ARSI: variants seen among roughly 807,000 people sequenced by gnomAD.
ARSI encodes arylsulfatase family member I, also known as arylsulfatase I.
ARSI carries 37 observed loss-of-function variants against 42.1 expected under a neutral mutation model. The ratio of observed to expected loss-of-function variants is 0.88; its 90% CI spans 0.68 to 1.16. The LOEUF is 1.16. Ranked by LOEUF, ARSI falls within the 50% of genes most tolerant of loss-of-function variation. The pLI is 0.00. For synonymous variants in ARSI, 305 were observed against 320.3 expected (o/e 0.95, Z 0.51); for missense variants, 725 against 790.1 (o/e 0.92, Z 0.99).
chr5:150,297,806 A>G lies in ARSI; in HGVS notation c.1118T>C (p.Val373Ala). ...SAADGLDGYD[V>A]WPAISEGRAS... The stretch of plus-strand genomic sequence containing the variant: ...CCGGCCCTCGCTGATGGCCGGCCAC[A>G]CGTCGTAGCCATCTAGCCCATCGGC... Residue 373 changes from valine (V) to alanine (A), a missense_variant, in exon 2 of 2, where the codon GTG (valine) becomes GCG (alanine). Val to Ala is a moderately conservative substitution (Grantham distance 64). Coordinates refer to ENST00000328668, the MANE Select transcript of ARSI (RefSeq NM_001012301.4). The surrounding 1 kb of genome is among the most constrained non-coding windows in gnomAD (Gnocchi z 7.0). The G allele has an allele frequency of 6.2e-7, 1 of 1,605,312 alleles. No individual in the cohort carries two copies. The highest frequency in any genetic ancestry group is 8.5e-7 in the Non-Finnish European group (1 of 1,175,220).
chr5:150,297,222 G>A lies in ARSI; in HGVS notation c.1702C>T (p.Arg568Trp), dbSNP rs778356356. ...RKLNTRLMSQ[R>W]I ...TTTCTCCCTCCCCACCATCAGATCCGTTGGGACATTAGCCTGGTGTTGAGT... is the reference window on the plus strand; with the variant it reads ...TTTCTCCCTCCCCACCATCAGATCCATTGGGACATTAGCCTGGTGTTGAGT... Residue 568 changes from arginine to tryptophan, a missense_variant, in exon 2 of 2, where the codon CGG becomes TGG. Transcript: ENST00000328668. This position sits in a 1 kb window ranked among gnomAD's most constrained non-coding sequence, Gnocchi z 7.0. The A allele has an allele frequency of 1.6e-5, 25 of 1,569,162 alleles. No homozygotes were observed. Among genetic ancestry groups the A allele is most frequent in the Admixed American group, 1.5e-4 (8 of 54,038 alleles).
In ARSI at chr5:150,302,346, C is replaced by A; in HGVS notation, c.28G>T (p.Val10Phe). ...AGGTAGCCGAAGCTGAGCAGGCTGA[C>A]CAGGGAGAAGCCAGTGAGGGTGTGC... is the stretch of plus-strand genomic sequence containing the variant. MHTLTGFSL[V>F]SLLSFGYLSW... The change falls in exon 1 of 2, where the codon GTC becomes TTC. Residue 10 changes from valine (V) to phenylalanine (F), a missense_variant. Val to Phe is a conservative substitution (Grantham distance 50). Coordinates refer to ENST00000328668, the MANE Select transcript of ARSI (RefSeq NM_001012301.4). This position sits in a 1 kb window ranked among gnomAD's most constrained non-coding sequence, Gnocchi z 6.1. The A allele has an allele frequency of 6.5e-7, 1 of 1,547,252 alleles. No individual in the cohort carries two copies. The highest frequency in any genetic ancestry group is 1.2e-5 in the South Asian group (1 of 82,546).
chr5:150,299,569 T>G (rs1333709414), intron 1 of ARSI, among the ~76,000 whole-genome samples: 1 of 151,928 alleles, frequency 6.6e-6, no homozygotes, highest in African/African-American at 2.4e-5. Flanking sequence ...CACCTCATCT[T>G]AAAAAGGACC....
chr5:150,298,178 A>C lies in ARSI; in HGVS notation c.746T>G (p.Leu249Arg), dbSNP rs1353378421. Residue 249 changes from leucine to arginine, a missense_variant, in exon 2 of 2, where the codon CTG (leucine) becomes CGG (arginine). Physicochemically the swap from Leu to Arg is moderately radical, Grantham distance 102 (BLOSUM62 -2). Coordinates refer to ENST00000328668, the MANE Select transcript of ARSI (RefSeq NM_001012301.4). The stretch of plus-strand genomic sequence containing the variant: ...ATTGCCCATGGTGCGGTAGCGGTAC[A>C]GGTACTCACGAGGGGACTGCAGGGG... Reference protein sequence around the residue: ...HTPLQSPREYLYRYRTMGNVA... With the variant: ...HTPLQSPREYRYRYRTMGNVA... 1 of 1,614,066 alleles carries C rather than the reference A, an allele frequency of 6.2e-7. No homozygotes were observed. The highest frequency in any genetic ancestry group is 1.7e-5 in the Admixed American group (1 of 60,026).
In ARSI at chr5:150,297,435, G is replaced by A. The variant is rs199613569; in HGVS notation, c.1489C>T (p.Arg497Cys). Residue 497 changes from arginine (R) to cysteine (C), a missense_variant, in exon 2 of 2, where the codon CGC becomes TGC. Arg to Cys is a radical substitution (Grantham distance 180). Coordinates refer to ENST00000328668, the MANE Select transcript of ARSI (RefSeq NM_001012301.4). This position sits in a 1 kb window ranked among gnomAD's most constrained non-coding sequence, Gnocchi z 7.0. ...TLLARLAEYN[R>C]TAIPVRYPAE... is the part of the protein sequence containing the mutation. ...GGGTAGCGTACCGGGATGGCTGTGC[G>A]GTTATATTCGGCCAGGCGAGCCAGC... 39 of 1,609,406 alleles carry A rather than the reference G, an allele frequency of 2.4e-5. No homozygotes were observed. The highest frequency in any genetic ancestry group is 3.0e-5 in the Non-Finnish European group (35 of 1,177,484).
rs140656147 is a variant in ARSI, at chr5:150,297,824, C to A, written c.1100G>T (p.Gly367Val). The A allele has an allele frequency of 9.2e-5, 148 of 1,608,562 alleles. No individual in the cohort carries two copies. In the African/African-American group the frequency reaches 1.8e-3, roughly 19 times the overall value. The change falls in exon 2 of 2, where the codon GGG becomes GTG. Residue 367 changes from glycine to valine, a missense_variant. Transcript: ENST00000328668. The surrounding 1 kb of genome is among the most constrained non-coding windows in gnomAD (Gnocchi z 7.0). The part of the protein sequence containing the change: ...LAGGTTSAAD[G>V]LDGYDVWPAI... Reference sequence around the variant, plus strand: ...CGGCCACACGTCGTAGCCATCTAGCCCATCGGCTGCTGAGGTGGTACCACC... The same window carrying A: ...CGGCCACACGTCGTAGCCATCTAGCACATCGGCTGCTGAGGTGGTACCACC...
rs190469665 is a variant in ARSI at position 150,297,808 on chromosome 5, G to A, written c.1116C>T (p.Asp372=). 165 of 1,606,196 alleles carry A rather than the reference G, an allele frequency of 1.0e-4. 2 individuals are homozygous for A. The highest frequency in any genetic ancestry group is 1.0e-3 in the Middle Eastern group (6 of 6,026). Residue 372 remains aspartate, a synonymous_variant, in exon 2 of 2, where the codon GAC becomes GAT. Coordinates refer to ENST00000328668, the MANE Select transcript of ARSI (RefSeq NM_001012301.4). The surrounding 1 kb of genome is among the most constrained non-coding windows in gnomAD (Gnocchi z 7.0). ...GGCCCTCGCTGATGGCCGGCCACAC[G>A]TCGTAGCCATCTAGCCCATCGGCTG... ...TSAADGLDGY[D]VWPAISEGRA...
chr5:150,297,399 G>C lies in ARSI; in HGVS notation c.1525C>G (p.Pro509Ala), dbSNP rs1362728038. The stretch of plus-strand genomic sequence containing the variant: ...CCATTAAAGTCAGGATGAGCCCGGG[G>C]GTTCTCAGCTGGGTAGCGTACCGGG... ...AIPVRYPAEN[P>A]RAHPDFNGGA... Residue 509 changes from proline to alanine, a missense_variant, in exon 2 of 2, where the codon CCC (proline) becomes GCC (alanine). Physicochemically the swap from Pro to Ala is conservative, Grantham distance 27 (BLOSUM62 -1). Transcript: ENST00000328668. This position sits in a 1 kb window ranked among gnomAD's most constrained non-coding sequence, Gnocchi z 7.0. 6.2e-7 allele frequency: 1 copy of C among 1,609,198 alleles called. No homozygotes were observed. The highest frequency in any genetic ancestry group is 8.5e-7 in the Non-Finnish European group (1 of 1,177,618).
chr5:150,301,427 A>G (rs1208805035), intron 1 of ARSI, among the ~76,000 whole-genome samples: 2 of 152,184 alleles, frequency 1.3e-5, no homozygotes, highest in Non-Finnish European at 2.9e-5. Context: ...CCAACTTGGG[A>G]GGATTTTGCA....
At chr5:150,301,743 G>A (rs1031842808) in intron 1 of ARSI, among the ~76,000 whole-genome samples, 1 of 152,074 alleles carries the variant, frequency 6.6e-6, no homozygotes, top group South Asian at 2.1e-4. Context: ...TCAGGGTCTC[G>A]GGGTCCATAA....
chr5:150,299,057 C>T (rs561572267), intron 1 of ARSI, among the ~76,000 whole-genome samples: 3 of 152,282 alleles, frequency 2.0e-5, no homozygotes, highest in Non-Finnish European at 4.4e-5. Flanking sequence ...TCCCATTTTC[C>T]AAATAAGGGA....
In ARSI at chr5:150,302,510, G is replaced by T. The variant is rs1048787476; in HGVS notation, c.-137C>A. 4.9e-6 allele frequency: 3 copies of T among 607,780 alleles called. No homozygotes were observed. Among genetic ancestry groups the T allele is most frequent in the Non-Finnish European group, 7.4e-6 (3 of 408,068 alleles). 37.6% of individuals were successfully genotyped at this position (607,780 alleles called of 1,614,324 possible). ...GCCCCCCGGGGACGGTCCAGTGTCT[G>T]GTCCGGGACTGGCTGCCGGACGGCT... On this transcript the variant is annotated 5_prime_UTR_variant, in exon 1 of 2. Transcript: ENST00000328668. This position sits in a 1 kb window ranked among gnomAD's most constrained non-coding sequence, Gnocchi z 6.1.
Position 150,302,759 on chromosome 5 carries a change from C to A in ARSI, c.-386G>T, listed in dbSNP as rs1757946363. The A allele has an allele frequency of 6.0e-6, 1 of 166,616 alleles. No homozygotes were observed. Among genetic ancestry groups the A allele is most frequent in the African/African-American group, 2.4e-5 (1 of 42,014 alleles). The allele number at this position is 166,616 out of a possible 1,614,324, so 10.3% of individuals were successfully genotyped here. On this transcript the variant is annotated 5_prime_UTR_variant, in exon 1 of 2. Coordinates refer to ENST00000328668, the MANE Select transcript of ARSI (RefSeq NM_001012301.4). The surrounding 1 kb of genome is among the most constrained non-coding windows in gnomAD (Gnocchi z 6.1). The stretch of plus-strand genomic sequence containing the variant: ...CTGGATTTCTCCCGCCTCCTAATTT[C>A]TCTCTCCTCTGCTTTCCCGGCCTCT...
In ARSI at chr5:150,297,621, C is replaced by A. The variant is rs771627668; in HGVS notation, c.1303G>T (p.Asp435Tyr). Residue 435 changes from aspartate (D) to tyrosine (Y), a missense_variant, in exon 2 of 2, where the codon GAT (aspartate) becomes TAT (tyrosine). By Grantham distance (160) the Asp-to-Tyr change is radical. Coordinates refer to ENST00000328668, the MANE Select transcript of ARSI (RefSeq NM_001012301.4). This position sits in a 1 kb window ranked among gnomAD's most constrained non-coding sequence, Gnocchi z 7.0. ...GCCAGTGTCTGCGGTGGGATCCAAT[C>A]GCCATAGCCGGGGTCTCCTGTCAGC... ...KLLTGDPGYG[D>Y]WIPPQTLATF... 21 of 1,610,896 alleles carry A rather than the reference C, an allele frequency of 1.3e-5. No homozygotes were observed. The highest frequency in any genetic ancestry group is 3.3e-5 in the Admixed American group (2 of 59,864).
In ARSI at chr5:150,302,033, C is replaced by G. The variant is rs778251975; in HGVS notation, c.311+30G>C. The G allele has an allele frequency of 6.5e-7, 1 of 1,534,194 alleles. No homozygotes were observed. Among genetic ancestry groups the G allele is most frequent in the South Asian group, 1.2e-5 (1 of 81,874 alleles). The stretch of plus-strand genomic sequence containing the variant: ...ACTGGGTTGATTTGGGGTTTAGATG[C>G]CCAGCCCCGGGGCCTTGAGCCACGC... On this transcript the variant is annotated intron_variant, in intron 1 of 1. Coordinates refer to ENST00000328668, the MANE Select transcript of ARSI (RefSeq NM_001012301.4). The surrounding 1 kb of genome is among the most constrained non-coding windows in gnomAD (Gnocchi z 6.1).
chr5:150,296,695 AC>A lies in ARSI; in HGVS notation c.*518del, dbSNP rs139499111. 1,241 of 152,260 alleles carry A rather than the reference AC, an allele frequency of 8.2e-3. 17 individuals are homozygous for A. The highest frequency in any genetic ancestry group is 0.028 in the African/African-American group (1,155 of 41,346). The allele number at this position is 152,260 out of a possible 1,614,324, so 9.4% of individuals were successfully genotyped here. On this transcript the variant is annotated 3_prime_UTR_variant, in exon 2 of 2. Transcript: ENST00000328668. ...GCCATGTGAAGACCCAAGAAGGTCA[AC>A]CCCCCCGACCCCTGCCCTCCACCCA...
rs1398347529 is a variant in ARSI, at chr5:150,298,709, G to A, written c.312-97C>T. 5.1e-6 allele frequency: 6 copies of A among 1,180,342 alleles called. No individual in the cohort carries two copies. In the African/African-American group the frequency reaches 9.3e-5, roughly 18 times the overall value. 73.1% of individuals were successfully genotyped at this position (1,180,342 alleles called of 1,614,324 possible). A position where few individuals can be genotyped will look rare whatever the true frequency, so the allele number is the denominator to read the frequency against. The stretch of plus-strand genomic sequence containing the variant: ...CAGTACCACTGTGAGGTGGGCTGTG[G>A]TCCCAGCACTACCAGCAAAAATAAT... On this transcript the variant is annotated intron_variant, in intron 1 of 1. Transcript: ENST00000328668.
rs756540774 is a variant in ARSI, at chr5:150,297,421, C to T, written c.1503G>A (p.Pro501=). ...RLAEYNRTAI[P]VRYPAENPRA... is the part of the protein sequence containing the mutation. Reference sequence around the variant, plus strand: ...GGGGGTTCTCAGCTGGGTAGCGTACCGGGATGGCTGTGCGGTTATATTCGG... The same window carrying T: ...GGGGGTTCTCAGCTGGGTAGCGTACTGGGATGGCTGTGCGGTTATATTCGG... The change falls in exon 2 of 2, where the codon CCG becomes CCA. Residue 501 remains proline, a synonymous_variant. Coordinates refer to ENST00000328668, the MANE Select transcript of ARSI (RefSeq NM_001012301.4). The surrounding 1 kb of genome is among the most constrained non-coding windows in gnomAD (Gnocchi z 7.0). The T allele has an allele frequency of 1.6e-5, 26 of 1,608,124 alleles. No homozygotes were observed. The highest frequency in any genetic ancestry group is 4.5e-5 in the East Asian group (2 of 44,844).
At position 150,297,780 on chromosome 5, in the gene ARSI, C is replaced by A. The variant is rs1206241539; in HGVS notation, c.1144G>T (p.Ala382Ser). 1.2e-6 allele frequency: 2 copies of A among 1,605,904 alleles called. No individual in the cohort carries two copies. Among genetic ancestry groups the A allele is most frequent in the South Asian group, 1.1e-5 (1 of 90,256 alleles). ...DVWPAISEGR[A>S]SPRTEILHNI... ...TGCAGGATCTCCGTGCGTGGTGAGGCCCGGCCCTCGCTGATGGCCGGCCAC... is the reference window on the plus strand; with the variant it reads ...TGCAGGATCTCCGTGCGTGGTGAGGACCGGCCCTCGCTGATGGCCGGCCAC... Residue 382 changes from alanine to serine, a missense_variant, in exon 2 of 2, where the codon GCC (alanine) becomes TCC (serine). Transcript: ENST00000328668. This position sits in a 1 kb window ranked among gnomAD's most constrained non-coding sequence, Gnocchi z 7.0.
Sources: gnomAD v4.1 joint callset for allele counts (sites outside exome capture counted in the v4.1 genomes callset) on GRCh38, gnomAD v4.1.1 for gene constraint, Gnocchi (gnomAD v3.1) non-coding constraint, MANE v1.5 for transcripts, NCBI Gene and HGNC (gene_info 2026-07-23, HGNC 2026-07-21) for gene names.